DGCR8: variants seen among roughly 807,000 people sequenced by gnomAD.
DGCR8 encodes the protein DGCR8 microprocessor complex subunit.
Under a neutral mutation model 78.5 loss-of-function variants are expected in DGCR8, and 14 were observed. The observed-to-expected ratio is 0.18, with a 90% CI of 0.12 to 0.28. The LOEUF is 0.28. DGCR8 is among the 10% of genes least tolerant of loss of function. DGCR8 has a pLI of 1.00. For missense variants in DGCR8, 702 were observed against 1,022.5 expected (o/e 0.69, Z 4.28); for synonymous variants, 399 against 402.4 (o/e 0.99, Z 0.10).
chr22:20,108,339 CCT>C (rs886841269), intron 12 of DGCR8: 2 of 152,982 alleles, frequency 1.3e-5, no homozygotes, highest in African/African-American at 4.8e-5. Flanking sequence ...GGGAAACTTC[CCT>C]GAGCAGGAGG....
chr22:20,092,051 C>G, intron 7 of DGCR8, 81 bp downstream of exon 7: 1 of 1,072,712 alleles, frequency 9.3e-7, no homozygotes, highest in South Asian at 1.3e-5. Flanking sequence ...AGGCGCTGAC[C>G]GCTAGCCCTA....
chr22:20,111,706 G>GCCACCCCCCCCC lies in DGCR8; in HGVS notation c.*1600_*1601insACCCCCCCCCCC, dbSNP rs2049850334. ...TGCCATACTCTTGTGGTCTCTGTGC[G>GCCACCCCCCCCC]CCCCCCCCCCCCCCCCACCCGTCTG... On this transcript the variant is annotated 3_prime_UTR_variant, in exon 14 of 14. Coordinates refer to ENST00000351989, the MANE Select transcript of DGCR8 (RefSeq NM_022720.7). The GCCACCCCCCCCC allele has an allele frequency of 1.6e-5, 1 of 63,028 alleles. No individual in the cohort carries two copies. Among genetic ancestry groups the GCCACCCCCCCCC allele is most frequent in the Admixed American group, 2.0e-4 (1 of 5,080 alleles). 3.9% of individuals were successfully genotyped at this position (63,028 alleles called of 1,614,324 possible). A position where few individuals can be genotyped will look rare whatever the true frequency, so the allele number is the denominator to read the frequency against.
At chr22:20,096,539 C>A (rs1265248548) in intron 9 of DGCR8, 4 of 951,004 alleles carry the variant, frequency 4.2e-6, no homozygotes, top group Non-Finnish European at 3.8e-6. Context: ...AGATAGTTTA[C>A]ATACTATAAA....
chr22:20,110,172 T>G lies in DGCR8; in HGVS notation c.*64T>G. ...GCACTTCTGAGGAGACCAGCAGTCA[T>G]GCATCGTGCACCACAGTGTCAGGCC... is the stretch of plus-strand genomic sequence containing the variant. On this transcript the variant is annotated 3_prime_UTR_variant, in exon 14 of 14. Coordinates refer to ENST00000351989, the MANE Select transcript of DGCR8 (RefSeq NM_022720.7). 1.3e-6 allele frequency: 2 copies of G among 1,521,158 alleles called. No individual in the cohort carries two copies. The highest frequency in any genetic ancestry group is 4.5e-5 in the East Asian group (2 of 44,242). 94.2% of individuals were successfully genotyped at this position (1,521,158 alleles called of 1,614,324 possible).
At chr22:20,083,353 T>C (rs2049438624) in intron 1 of DGCR8, among the ~76,000 whole-genome samples, 1 of 149,816 alleles carries the variant, frequency 6.7e-6, no homozygotes, top group African/African-American at 2.4e-5. Flanking sequence ...CTTGTGTCTG[T>C]AGCATCTAGG....
intron 1 of DGCR8, among the ~76,000 whole-genome samples, chr22:20,082,274 G>A (rs535673340): frequency 1.3e-5 from 2 of 151,836 alleles, no homozygotes; most frequent in East Asian, 3.9e-4. Context: ...TGGCCAGGCT[G>A]GTCTCGAACT....
chr22:20,086,416 C>T lies in DGCR8; in HGVS notation c.453C>T (p.Leu151=). 2 of 1,613,882 alleles carry T rather than the reference C, an allele frequency of 1.2e-6. No homozygotes were observed. Among genetic ancestry groups the T allele is most frequent in the East Asian group, 4.5e-5 (2 of 44,860 alleles). The change falls in exon 2 of 14, where the codon CTC becomes CTT. Residue 151 remains leucine, a synonymous_variant. Transcript: ENST00000351989. The surrounding 1 kb of genome is among the most constrained non-coding windows in gnomAD (Gnocchi z 6.4). The part of the protein sequence containing the change: ...ERDVRAECGL[L]LSPVSGDVHA... Reference sequence around the variant, plus strand: ...ACGTGCGGGCGGAGTGCGGTCTGCTCCTTAGCCCTGTCAGTGGGGACGTGC... The same window carrying T: ...ACGTGCGGGCGGAGTGCGGTCTGCTTCTTAGCCCTGTCAGTGGGGACGTGC...
At position 20,111,715 on chromosome 22, in the gene DGCR8, CCCCCCCCA is replaced by C. The variant is rs987008909; in HGVS notation, c.*1611_*1618del. On this transcript the variant is annotated 3_prime_UTR_variant, in exon 14 of 14. Coordinates refer to ENST00000351989, the MANE Select transcript of DGCR8 (RefSeq NM_022720.7). Reference sequence around the variant, plus strand: ...CTTGTGGTCTCTGTGCGCCCCCCCCCCCCCCCCACCCGTCTGCCAAGCATGGGTATGAA... The same window carrying C: ...CTTGTGGTCTCTGTGCGCCCCCCCCCCCCGTCTGCCAAGCATGGGTATGAA... 184 of 183,624 alleles carry C rather than the reference CCCCCCCCA, an allele frequency of 1.0e-3. 3 individuals are homozygous for C. Among genetic ancestry groups the C allele is most frequent in the South Asian group, 3.4e-3 (9 of 2,644 alleles). 11.4% of individuals were successfully genotyped at this position (183,624 alleles called of 1,614,324 possible).
chr22:20,086,781 A>C lies in DGCR8; in HGVS notation c.720+98A>C, dbSNP rs117946510. On this transcript the variant is annotated intron_variant, in intron 2 of 13. Coordinates refer to ENST00000351989, the MANE Select transcript of DGCR8 (RefSeq NM_022720.7). This position sits in a 1 kb window ranked among gnomAD's most constrained non-coding sequence, Gnocchi z 6.4. Reference sequence around the variant, plus strand: ...TTGAAAGCAGGGAAATTAAAAAAAAAAAAAACAAAAACCAAAATCCCCTCT... The same window carrying C: ...TTGAAAGCAGGGAAATTAAAAAAAACAAAAACAAAAACCAAAATCCCCTCT... The C allele has an allele frequency of 1.6e-3, 2,275 of 1,422,316 alleles. 40 individuals carry two copies. The East Asian group carries it at 0.025, about 16-fold the overall frequency. 88.1% of individuals were successfully genotyped at this position (1,422,316 alleles called of 1,614,324 possible).
At position 20,091,646 on chromosome 22, in the gene DGCR8, C is replaced by T. The variant is rs376003520; in HGVS notation, c.1504+14C>T. The T allele has an allele frequency of 2.3e-5, 37 of 1,612,006 alleles. No individual in the cohort carries two copies. The highest frequency in any genetic ancestry group is 3.1e-5 in the Non-Finnish European group (36 of 1,178,378). The stretch of plus-strand genomic sequence containing the variant: ...CCACAAAGAAAGGTATAAGCCTCTG[C>T]ATTTTAACATCAGCAGACTGGTTAT... On this transcript the variant is annotated intron_variant, in intron 6 of 13. Transcript: ENST00000351989.
intron 1 of DGCR8, among the ~76,000 whole-genome samples, chr22:20,082,626 C>G (rs1202489047): frequency 6.6e-6 from 1 of 152,130 alleles, no homozygotes; most frequent in Admixed American, 6.5e-5. Flanking sequence ...CTCAGCCTCC[C>G]AAAGTGCTGG....
chr22:20,088,137 T>C (rs945166013), intron 3 of DGCR8, among the ~76,000 whole-genome samples: 7 of 152,144 alleles, frequency 4.6e-5, no homozygotes, highest in African/African-American at 1.7e-4. Context: ...GCCATCCTCC[T>C]TGGGCCATTG....
At chr22:20,102,395 C>A (rs2049714021) in intron 9 of DGCR8, among the ~76,000 whole-genome samples, 1 of 152,198 alleles carries the variant, frequency 6.6e-6, no homozygotes, top group Admixed American at 6.5e-5. Flanking sequence ...ATTTGTACTC[C>A]TGAGTGCTGG....
In DGCR8 at chr22:20,086,934, G is replaced by C. The variant is rs2049492064; in HGVS notation, c.721-228G>C. 1 of 731,020 alleles carries C rather than the reference G, an allele frequency of 1.4e-6. No homozygotes were observed. Among genetic ancestry groups the C allele is most frequent in the South Asian group, 2.0e-5 (1 of 51,100 alleles). 45.3% of individuals were successfully genotyped at this position (731,020 alleles called of 1,614,324 possible). ...TGATCTAGCGCGTGGGGCAGCAGGTGCTGCTGAGTTACGCTCCTTGGCAGT... is the reference window on the plus strand; with the variant it reads ...TGATCTAGCGCGTGGGGCAGCAGGTCCTGCTGAGTTACGCTCCTTGGCAGT... On this transcript the variant is annotated intron_variant, in intron 2 of 13. Transcript: ENST00000351989. The surrounding 1 kb of genome is among the most constrained non-coding windows in gnomAD (Gnocchi z 6.4).
chr22:20,110,865 G>T lies in DGCR8; in HGVS notation c.*757G>T, dbSNP rs1602501524. On this transcript the variant is annotated 3_prime_UTR_variant, in exon 14 of 14. Transcript: ENST00000351989. ...TAAAAGCGCCTCTTTGGACACTGAGGCCCTCTCTGCCTTTCCTGGCCTCCG... is the reference window on the plus strand; with the variant it reads ...TAAAAGCGCCTCTTTGGACACTGAGTCCCTCTCTGCCTTTCCTGGCCTCCG... The T allele has an allele frequency of 1.2e-5, 3 of 248,538 alleles. No homozygotes were observed. Among genetic ancestry groups the T allele is most frequent in the East Asian group, 1.5e-4 (2 of 13,776 alleles). The allele number at this position is 248,538 out of a possible 1,614,324, so 15.4% of individuals were successfully genotyped here. A position where few individuals can be genotyped will look rare whatever the true frequency, so the allele number is the denominator to read the frequency against.
rs2049580111 is a variant in DGCR8, at chr22:20,092,698, CT to C, written c.1607-110del. On this transcript the variant is annotated intron_variant, in intron 7 of 13. Transcript: ENST00000351989. ...CTCTGCAGTCAAGCACAGGCCCACTCTCTGCAGGGACAGCCCCTGACTGCGC... is the reference window on the plus strand; with the variant it reads ...CTCTGCAGTCAAGCACAGGCCCACTCCTGCAGGGACAGCCCCTGACTGCGC... 25 of 882,802 alleles carry C rather than the reference CT, an allele frequency of 2.8e-5. No individual in the cohort carries two copies. In the South Asian group the frequency reaches 4.3e-4, roughly 15 times the overall value. 54.7% of individuals were successfully genotyped at this position (882,802 alleles called of 1,614,324 possible). A position where few individuals can be genotyped will look rare whatever the true frequency, so the allele number is the denominator to read the frequency against.
In DGCR8 at chr22:20,089,569, C is replaced by T; in HGVS notation, c.881-100C>T. On this transcript the variant is annotated intron_variant, in intron 3 of 13. Coordinates refer to ENST00000351989, the MANE Select transcript of DGCR8 (RefSeq NM_022720.7). The surrounding 1 kb of genome is among the most constrained non-coding windows in gnomAD (Gnocchi z 4.9). Reference sequence around the variant, plus strand: ...GATTATCTGTGAAGACCCAGTTAAACACATGCTAGTACCCAACAATTTCTT... The same window carrying T: ...GATTATCTGTGAAGACCCAGTTAAATACATGCTAGTACCCAACAATTTCTT... 2.2e-6 allele frequency: 3 copies of T among 1,340,244 alleles called. No homozygotes were observed. Among genetic ancestry groups the T allele is most frequent in the Non-Finnish European group, 3.1e-6 (3 of 958,198 alleles). The allele number at this position is 1,340,244 out of a possible 1,614,324, so 83.0% of individuals were successfully genotyped here. A position where few individuals can be genotyped will look rare whatever the true frequency, so the allele number is the denominator to read the frequency against.
intron 11 of DGCR8, 165 bp from the exon 12 acceptor site, chr22:20,107,106 G>T: frequency 1.4e-6 from 1 of 717,012 alleles, no homozygotes; most frequent in Non-Finnish European, 2.4e-6. Flanking sequence ...GCTGGGTACT[G>T]TGAGACTCAG....
At chr22:20,108,101 G>A (rs1404903203) in intron 12 of DGCR8, 1 of 152,856 alleles carries the variant, frequency 6.5e-6, no homozygotes, top group Non-Finnish European at 1.5e-5. Flanking sequence ...CCTGCCTTTA[G>A]GTCCCTGAGA....
Sources: allele counts gnomAD v4.1 joint callset (sites outside exome capture counted in the v4.1 genomes callset), GRCh38; gene constraint gnomAD v4.1.1; non-coding constraint Gnocchi (gnomAD v3.1); transcripts MANE v1.5; gene names NCBI Gene and HGNC (gene_info 2026-07-23, HGNC 2026-07-21).